The following GUCY1A2 variants were observed in gnomAD, a reference collection of about 807,000 sequenced individuals.
GUCY1A2 encodes guanylate cyclase soluble subunit alpha-2.
A neutral mutation model predicts 63.5 loss-of-function variants in GUCY1A2; 27 were observed. The observed-to-expected ratio is 0.43, with a 90% CI of 0.31 to 0.59. The LOEUF (loss-of-function observed/expected upper bound fraction) is 0.59, where lower values mean the gene tolerates loss of function less well. GUCY1A2 is among the 20% of genes least tolerant of loss of function. The pLI, the probability that GUCY1A2 is intolerant of heterozygous loss-of-function variation, is 0.11. For synonymous variants in GUCY1A2, 364 were observed against 343.5 expected (o/e 1.06, Z -0.66); for missense variants, 768 against 913.3 (o/e 0.84, Z 2.05).
chr11:106,931,262 T>C (rs1258227513), intron 4 of GUCY1A2, among the ~76,000 whole-genome samples: 1 of 152,174 alleles, frequency 6.6e-6, no homozygotes, highest in Non-Finnish European at 1.5e-5. Context: ...TAAGAAAAGA[T>C]GTTTACCATC....
chr11:106,950,158 G>A (rs1292593719), intron 3 of GUCY1A2, among the ~76,000 whole-genome samples: 2 of 152,224 alleles, frequency 1.3e-5, no homozygotes, highest in Non-Finnish European at 2.9e-5. Flanking sequence ...GGTGTTGAGT[G>A]CTAAGAAGGG....
chr11:106,729,299 G>A (rs1039135412), intron 6 of GUCY1A2, among the ~76,000 whole-genome samples: 12 of 152,056 alleles, frequency 7.9e-5, no homozygotes, highest in Admixed American at 6.6e-5. Context: ...TACTCTGAGC[G>A]TTATCACTTC....
intron 4 of GUCY1A2, among the ~76,000 whole-genome samples, chr11:106,888,113 G>A (rs1043796409): frequency 1.3e-5 from 2 of 152,096 alleles, no homozygotes; most frequent in African/African-American, 4.8e-5. Context: ...GGGCACAGAT[G>A]ATTCTCTGGG....
At chr11:106,766,339 G>T (rs1176272319) in intron 6 of GUCY1A2, among the ~76,000 whole-genome samples, 1 of 152,096 alleles carries the variant, frequency 6.6e-6, no homozygotes, top group Non-Finnish European at 1.5e-5. Context: ...TACACTGTGT[G>T]TCATGATATT....
At chr11:106,878,282 T>C (rs1393327377) in intron 4 of GUCY1A2, among the ~76,000 whole-genome samples, 2 of 152,214 alleles carry the variant, frequency 1.3e-5, no homozygotes, top group East Asian at 3.9e-4. Context: ...TCATTGTATG[T>C]ATACCCAAAG....
chr11:106,997,454 A>C (rs1861553949), intron 1 of GUCY1A2, among the ~76,000 whole-genome samples: 1 of 152,156 alleles, frequency 6.6e-6, no homozygotes, highest in Non-Finnish European at 1.5e-5. Flanking sequence ...ATCCTGAGGA[A>C]GAAAGAGCCC....
chr11:106,687,903 T>C, intron 7 of GUCY1A2, 147 bp from the exon 8 acceptor site: 1 of 606,928 alleles, frequency 1.6e-6, no homozygotes, highest in Non-Finnish European at 2.9e-6. Context: ...TTCATCAGAT[T>C]CCAAATGCTA....
rs1297920273 is a variant in GUCY1A2, at chr11:106,792,625, A to G, written c.1693-16043T>C. ...TTGAAGGAACATACCTCAAAATAAT[A>G]AGCATCACAAATGACAAGCCCAAAG... is the stretch of plus-strand genomic sequence containing the variant. On this transcript the variant is annotated intron_variant, in intron 5 of 7. Transcript: ENST00000526355. Among the ~76,000 whole-genome samples, 3 of 151,916 alleles carry G rather than the reference A, an allele frequency of 2.0e-5. No homozygotes were observed. The East Asian group carries it at 5.8e-4, about 29-fold the overall frequency.
chr11:106,900,070 A>G (rs1433885499), intron 4 of GUCY1A2, among the ~76,000 whole-genome samples: 1 of 146,046 alleles, frequency 6.8e-6, no homozygotes. Context: ...TAGGCGACAG[A>G]GCGAGACTCC....
At chr11:107,007,622 A>G (rs1287464860) in intron 1 of GUCY1A2, among the ~76,000 whole-genome samples, 2 of 152,144 alleles carry the variant, frequency 1.3e-5, no homozygotes, top group Admixed American at 6.5e-5. Context: ...TGGGCCCTCA[A>G]AAAACACCCA....
intron 6 of GUCY1A2, among the ~76,000 whole-genome samples, chr11:106,709,630 A>C (rs916559820): frequency 9.1e-6 from 1 of 109,510 alleles, no homozygotes; most frequent in East Asian, 2.2e-4. Flanking sequence ...TGTATATATT[A>C]TATACACGTA....
chr11:106,779,820 A>T (rs1436391115), intron 5 of GUCY1A2, among the ~76,000 whole-genome samples: 2 of 152,210 alleles, frequency 1.3e-5, no homozygotes, highest in Non-Finnish European at 2.9e-5. Context: ...TAAATGAATG[A>T]AGTAGAAAAT....
chr11:106,943,356 T>C (rs1422686880), intron 3 of GUCY1A2, among the ~76,000 whole-genome samples: 1 of 152,236 alleles, frequency 6.6e-6, no homozygotes, highest in African/African-American at 2.4e-5. Context: ...CATCTGGGTC[T>C]ATAAGAATAC....
chr11:107,006,237 A>G (rs1216106270), intron 1 of GUCY1A2, among the ~76,000 whole-genome samples: 1 of 152,228 alleles, frequency 6.6e-6, no homozygotes, highest in African/African-American at 2.4e-5. Context: ...AAAGAAGTGA[A>G]GCAGAACAAG....
At chr11:107,009,180 G>A (rs985939101) in intron 1 of GUCY1A2, among the ~76,000 whole-genome samples, 2 of 152,132 alleles carry the variant, frequency 1.3e-5, no homozygotes, top group Non-Finnish European at 2.9e-5. Context: ...GCAGAGATTA[G>A]GAAGCATTAA....
Position 106,723,604 on chromosome 11 carries a change from C to T in GUCY1A2, c.1837-14938G>A, listed in dbSNP as rs747393713. On this transcript the variant is annotated intron_variant, in intron 6 of 7. Coordinates refer to ENST00000526355, the MANE Select transcript of GUCY1A2 (RefSeq NM_000855.3). ...CTTTGGGAGGCCAAGGAGGACAGATCACCTGAGGCTGAGTTCGAGACCAGC... is the reference window on the plus strand; with the variant it reads ...CTTTGGGAGGCCAAGGAGGACAGATTACCTGAGGCTGAGTTCGAGACCAGC... Among the ~76,000 whole-genome samples the T allele has an allele frequency of 3.3e-5, 5 of 152,222 alleles. No homozygotes were observed. The South Asian group carries it at 1.0e-3, about 31-fold the overall frequency.
intron 6 of GUCY1A2, among the ~76,000 whole-genome samples, chr11:106,737,014 C>T (rs1247388789): frequency 2.0e-5 from 3 of 152,156 alleles, no homozygotes; most frequent in Non-Finnish European, 4.4e-5. Flanking sequence ...GACTAGCCTA[C>T]AGAGGGCAGC....
At chr11:106,769,334 A>G (rs1864215856) in intron 6 of GUCY1A2, among the ~76,000 whole-genome samples, 1 of 152,148 alleles carries the variant, frequency 6.6e-6, no homozygotes, top group South Asian at 2.1e-4. Flanking sequence ...TGGAACTGCA[A>G]AACACTATAA....
chr11:106,991,291 C>T (rs557431950), intron 1 of GUCY1A2, among the ~76,000 whole-genome samples: 2 of 152,268 alleles, frequency 1.3e-5, no homozygotes, highest in South Asian at 4.1e-4. Flanking sequence ...AGCCACTGTG[C>T]CTGGCCATTA....
Sources: gnomAD v4.1 joint callset for allele counts (sites outside exome capture counted in the v4.1 genomes callset) on GRCh38, gnomAD v4.1.1 for gene constraint, MANE v1.5 for transcripts, NCBI Gene and HGNC (gene_info 2026-07-23, HGNC 2026-07-21) for gene names.